CTNNA2: variants seen among roughly 807,000 people sequenced by gnomAD.
CTNNA2 encodes catenin alpha 2.
CTNNA2 carries 42 observed loss-of-function variants against 101.0 expected under a neutral mutation model. The observed-to-expected ratio is 0.42, with a 90% CI of 0.32 to 0.54. The LOEUF is 0.54. CTNNA2 is among the 20% of genes least tolerant of loss of function. The probability of loss-of-function intolerance (pLI) is 0.14; values close to 1 mark genes in which losing one functional copy is unlikely to be tolerated. For missense variants in CTNNA2, 871 were observed against 1,223.1 expected, an observed-to-expected ratio of 0.71 and a Z score of 4.29; for synonymous variants, 450 against 456.4, an observed-to-expected ratio of 0.99 and a Z score of 0.18.
At chr2:79,975,834 T>A (rs1574451420) in intron 7 of CTNNA2, among the ~76,000 whole-genome samples, 4 of 152,348 alleles carry the variant, frequency 2.6e-5, no homozygotes, top group Admixed American at 2.6e-4. Flanking sequence ...CAAGTTCAAA[T>A]TATCTGGAAG....
chr2:79,340,674 A>AC (rs1352041442), intron 3 of CTNNA2, among the ~76,000 whole-genome samples: 2 of 152,020 alleles, frequency 1.3e-5, no homozygotes, highest in Non-Finnish European at 2.9e-5. Flanking sequence ...TCTACTAAAA[A>AC]TACAAAAATT....
At chr2:79,892,491 C>T (rs556844637) in intron 6 of CTNNA2, among the ~76,000 whole-genome samples, 9 of 151,656 alleles carry the variant, frequency 5.9e-5, no homozygotes, top group South Asian at 2.1e-4. Flanking sequence ...CTTTCTTTTC[C>T]GTATTTTATG....
intron 7 of CTNNA2, among the ~76,000 whole-genome samples, chr2:80,122,267 CTCTT>C (rs1558828926): frequency 1.3e-5 from 2 of 151,498 alleles, no homozygotes; most frequent in Non-Finnish European, 2.9e-5. Context: ...CTGTTTCCCT[CTCTT>C]TCTTTGTCTC....
intron 7 of CTNNA2, among the ~76,000 whole-genome samples, chr2:80,133,658 A>C (rs949143201): frequency 6.6e-6 from 1 of 152,210 alleles, no homozygotes; most frequent in Non-Finnish European, 1.5e-5. Flanking sequence ...CATTGTTCTC[A>C]GTTCACCTAC....
chr2:80,485,665 A>T (rs1686514112), intron 9 of CTNNA2, among the ~76,000 whole-genome samples: 1 of 152,236 alleles, frequency 6.6e-6, no homozygotes, highest in Non-Finnish European at 1.5e-5. Flanking sequence ...TTATTAAAAA[A>T]TTGAAACATT....
At position 79,224,400 on chromosome 2, in the gene CTNNA2, A is replaced by G. The variant is rs140973632; in HGVS notation, c.-406+26324A>G. ...AAGGAATTTTACCATGAACATTCAA[A>G]TATCTATCACCCAGGTTCCACAATT... On this transcript the variant is annotated intron_variant, in intron 2 of 21. Coordinates refer to the CTNNA2 transcript ENST00000466387. 2.5e-3 allele frequency among the ~76,000 whole-genome samples: 382 copies of G among 152,300 alleles called. 1 individual carries two copies. The highest frequency in any genetic ancestry group is 8.5e-3 in the African/African-American group (355 of 41,558).
intron 7 of CTNNA2, among the ~76,000 whole-genome samples, chr2:80,213,968 A>G (rs1708082601): frequency 6.6e-6 from 1 of 152,184 alleles, no homozygotes; most frequent in South Asian, 2.1e-4. Context: ...CCATTAAGTA[A>G]TGGCCTTCTT....
At chr2:80,574,101 G>A (rs1694832266) in intron 12 of CTNNA2, 62 bp from the exon 13 acceptor site, 5 of 1,543,250 alleles carry the variant, frequency 3.2e-6, no homozygotes, top group Admixed American at 1.7e-5. Context: ...TCGCCCAAGA[G>A]CTGGAATAAG....
chr2:79,407,938 C>A (rs943816716), intron 4 of CTNNA2, among the ~76,000 whole-genome samples: 1 of 151,976 alleles, frequency 6.6e-6, no homozygotes, highest in Non-Finnish European at 1.5e-5. Context: ...CTATTTTAAC[C>A]CACTAGCACA....
intron 2 of CTNNA2, among the ~76,000 whole-genome samples, chr2:79,711,657 C>A (rs1451304150): frequency 6.6e-6 from 1 of 152,092 alleles, no homozygotes. Context: ...CATAGCTCAT[C>A]AGAACACTGT....
intron 3 of CTNNA2, among the ~76,000 whole-genome samples, chr2:79,796,053 G>A (rs1489869536): frequency 6.6e-6 from 1 of 152,068 alleles, no homozygotes; most frequent in Non-Finnish European, 1.5e-5. Flanking sequence ...TGCCAGTGCT[G>A]GACACACCAG....
At chr2:79,385,495 C>CTTTATTTTATTTTAT (rs201553740) in intron 4 of CTNNA2, among the ~76,000 whole-genome samples, 2,450 of 151,072 alleles carry the variant, frequency 0.016, 108 homozygotes, top group East Asian at 0.14. Flanking sequence ...TAAATAGGGT[C>CTTTATTTTATTTTAT]TTTATTTTAT....
At chr2:80,146,710 GTTTTTTT>G (rs34019123) in intron 7 of CTNNA2, among the ~76,000 whole-genome samples, 7,547 of 61,962 alleles carry the variant, frequency 0.12, 287 homozygotes, top group South Asian at 0.24. Context: ...GTCCCCTCTG[GTTTTTTT>G]TTTTTTTTTT....
intron 15 of CTNNA2, among the ~76,000 whole-genome samples, chr2:80,594,400 T>G (rs1696769353): frequency 1.3e-5 from 2 of 152,082 alleles, no homozygotes; most frequent in African/African-American, 4.8e-5. Context: ...ATTAATTTCT[T>G]ATCAGGAATT....
intron 7 of CTNNA2, among the ~76,000 whole-genome samples, chr2:80,356,218 G>C (rs912191369): frequency 1.2e-4 from 18 of 152,108 alleles, no homozygotes; most frequent in African/African-American, 4.3e-4. Flanking sequence ...GTCTATAAAA[G>C]CCAAAAACCA....
At chr2:80,387,810 G>A (rs1259769173) in intron 7 of CTNNA2, among the ~76,000 whole-genome samples, 2 of 152,268 alleles carry the variant, frequency 1.3e-5, no homozygotes, top group East Asian at 3.9e-4. Context: ...AATGCGTTTT[G>A]TAAAATAGTT....
chr2:80,083,807 G>A (rs1353730832), intron 7 of CTNNA2, among the ~76,000 whole-genome samples: 1 of 152,058 alleles, frequency 6.6e-6, no homozygotes, highest in African/African-American at 2.4e-5. Flanking sequence ...TGGGTTAAAG[G>A]CAATACATTT....
At chr2:80,591,455 C>CTTTTTTTTTTTTT (rs1553401282) in intron 15 of CTNNA2, among the ~76,000 whole-genome samples, 1 of 57,582 alleles carries the variant, frequency 1.7e-5, no homozygotes, top group African/African-American at 6.0e-5. Flanking sequence ...TCTGCACAGC[C>CTTTTTTTTTTTTT]TGTTTTTTTT....
chr2:79,296,750 A>G (rs1378217969), intron 2 of CTNNA2, among the ~76,000 whole-genome samples: 2 of 152,096 alleles, frequency 1.3e-5, no homozygotes, highest in African/African-American at 4.8e-5. Flanking sequence ...TGCTTTGTCC[A>G]GAGGATCCTT....
Sources: allele counts gnomAD v4.1 joint callset (sites outside exome capture counted in the v4.1 genomes callset), GRCh38; gene constraint gnomAD v4.1.1; transcripts MANE v1.5; gene names NCBI Gene and HGNC (gene_info 2026-07-23, HGNC 2026-07-21).